The following CCHCR1 variants were observed in gnomAD, a reference collection of about 807,000 sequenced individuals.
CCHCR1 encodes the protein HCR (a-helix coiled-coil rod homologue).
CCHCR1 carries 91 observed loss-of-function variants against 114.6 expected under a neutral mutation model. The observed-to-expected ratio is 0.79, with a 90% confidence interval of 0.67 to 0.94. The LOEUF (loss-of-function observed/expected upper bound fraction) is 0.94. Among genes scored for constraint, CCHCR1 ranks in the 40% least tolerant of loss-of-function variants. The pLI, the probability that CCHCR1 is intolerant of heterozygous loss-of-function variation, is 0.00. For missense variants in CCHCR1, 899 were observed against 1,079.9 expected (o/e 0.83, Z 2.35); for synonymous variants, 379 against 428.5 (o/e 0.88, Z 1.43).
At chr6:31,145,575 G>A (rs777091480) in intron 11 of CCHCR1, 82 bp from the exon 12 acceptor site, 5 of 1,482,402 alleles carry the variant, frequency 3.4e-6, no homozygotes, top group African/African-American at 1.4e-5. Context: ...AAAAAGAGAT[G>A]CAAGGACTGG....
intron 1 of CCHCR1, 79 bp from the exon 2 acceptor site, chr6:31,157,168 A>G: frequency 8.0e-7 from 1 of 1,252,324 alleles, no homozygotes; most frequent in South Asian, 1.2e-5. Flanking sequence ...ACAATAACAA[A>G]GTCATAATCC....
At chr6:31,155,858 T>C (rs1365803028) in intron 3 of CCHCR1, among the ~76,000 whole-genome samples, 3 of 152,210 alleles carry the variant, frequency 2.0e-5, no homozygotes, top group Admixed American at 2.0e-4. Context: ...CATAGGTCAC[T>C]GCAGTCTTCA....
At position 31,142,628 on chromosome 6, in the gene CCHCR1, G is replaced by C; in HGVS notation, c.2580C>G (p.Asp860Glu). The C allele has an allele frequency of 6.2e-7, 1 of 1,613,512 alleles. No homozygotes were observed. Among genetic ancestry groups the C allele is most frequent in the Non-Finnish European group, 8.5e-7 (1 of 1,179,936 alleles). ...EEAVCQGDNL[D>E]RCSSSNPQMS... ...TCTGGGGATTGGAGCTGGAGCATCTGTCAAGGTTGTCTCCTTGACAAACAG... is the reference window on the plus strand; with the variant it reads ...TCTGGGGATTGGAGCTGGAGCATCTCTCAAGGTTGTCTCCTTGACAAACAG... The change falls in exon 18 of 18, where the codon GAC (aspartate) becomes GAG (glutamate). Residue 860 changes from aspartate to glutamate, a missense_variant. Transcript: ENST00000396268.
Position 31,157,780 on chromosome 6 carries a change from T to C in CCHCR1, c.-180A>G, listed in dbSNP as rs904796105. The C allele has an allele frequency of 8.0e-5, 48 of 602,602 alleles. No individual in the cohort carries two copies. The highest frequency in any genetic ancestry group is 5.6e-4 in the African/African-American group (30 of 53,904). 37.3% of individuals were successfully genotyped at this position (602,602 alleles called of 1,614,324 possible). On this transcript the variant is annotated 5_prime_UTR_variant, in exon 1 of 18. It removes an upstream start codon present in the reference 5' UTR. Coordinates refer to ENST00000396268, the MANE Select transcript of CCHCR1 (RefSeq NM_001105564.2). ...CTCCTCTTTCTCGAGTCCTAACACA[T>C]AGTGGGCACTTTAAGATCTTCCTCC...
intron 10 of CCHCR1, among the ~76,000 whole-genome samples, chr6:31,147,256 C>T (rs1165242661): frequency 2.0e-5 from 3 of 152,034 alleles, no homozygotes; most frequent in South Asian, 4.2e-4. Context: ...AAAAAGTAGC[C>T]GGGTGTGGTG....
rs11967883 is a variant in CCHCR1 at position 31,144,577 on chromosome 6, C to T, written c.2167+110G>A. 33,556 of 713,482 alleles carry T rather than the reference C, an allele frequency of 0.047. 1,587 individuals are homozygous for T. Among genetic ancestry groups the T allele is most frequent in the East Asian group, 0.18 (7,375 of 40,180 alleles). 44.2% of individuals were successfully genotyped at this position (713,482 alleles called of 1,614,324 possible). ...CATCTGTGCTACTCCTGGATACCTT[C>T]ATTACTTCCTGTAATGAAGCTTTGA... On this transcript the variant is annotated intron_variant, in intron 15 of 17. Transcript: ENST00000396268. This position sits in a 1 kb window ranked among gnomAD's most constrained non-coding sequence, Gnocchi z 4.6.
At chr6:31,146,215 C>A (rs1774307519) in intron 10 of CCHCR1, among the ~76,000 whole-genome samples, 1 of 152,112 alleles carries the variant, frequency 6.6e-6, no homozygotes, top group Non-Finnish European at 1.5e-5. Context: ...CATGGTGGCT[C>A]ATGCCTGTAA....
upstream of CCHCR1, chr6:31,157,814 C>T (rs1776313354): frequency 1.7e-6 from 1 of 587,022 alleles, no homozygotes. Flanking sequence ...CCCACCCTCC[C>T]ACCCTCATTA....
In CCHCR1 at chr6:31,157,488, G is replaced by T. The variant is rs1229217659; in HGVS notation, c.113C>A (p.Pro38Gln). The T allele has an allele frequency of 6.2e-7, 1 of 1,613,018 alleles. No homozygotes were observed. Among genetic ancestry groups the T allele is most frequent in the Non-Finnish European group, 8.5e-7 (1 of 1,180,008 alleles). The stretch of plus-strand genomic sequence containing the variant: ...GCGCCATCTCCAGAGTTCTCTCCAT[G>T]GCTCAGCAAGGCCTGAGGGAAGCCC... ...LDGLPSGLAE[P>Q]WRELWRWRSR... Residue 38 changes from proline to glutamine, a missense_variant, in exon 1 of 18, where the codon CCA becomes CAA. Coordinates refer to ENST00000396268, the MANE Select transcript of CCHCR1 (RefSeq NM_001105564.2).
In CCHCR1 at chr6:31,145,250, G is replaced by A. The variant is rs776807780; in HGVS notation, c.1792C>T (p.Arg598Trp). 1.5e-5 allele frequency: 25 copies of A among 1,613,610 alleles called. No individual in the cohort carries two copies. Among genetic ancestry groups the A allele is most frequent in the African/African-American group, 1.1e-4 (8 of 74,906 alleles). The stretch of plus-strand genomic sequence containing the variant: ...GCATCCAGGCGGTTCCGTTCTTCCC[G>A]CAACTGCTGCAACTCAAGGCTCACG... Reference protein sequence around the residue: ...TDVSLELQQLREERNRLDAEL... With the variant: ...TDVSLELQQLWEERNRLDAEL... Residue 598 changes from arginine to tryptophan, a missense_variant, in exon 13 of 18, where the codon CGG (arginine) becomes TGG (tryptophan). By Grantham distance (101) the Arg-to-Trp change is moderately radical (BLOSUM62 -3). Transcript: ENST00000396268.
chr6:31,156,645 G>A, intron 3 of CCHCR1, 86 bp downstream of exon 3: 3 of 1,157,194 alleles, frequency 2.6e-6, no homozygotes, highest in Non-Finnish European at 3.8e-6. Context: ...CTGGAAACTA[G>A]GGCCGAAATA....
At chr6:31,152,722 C>G (rs1399484001) in intron 4 of CCHCR1, among the ~76,000 whole-genome samples, 1 of 152,084 alleles carries the variant, frequency 6.6e-6, no homozygotes, top group East Asian at 1.9e-4. Context: ...ATGATCCTTC[C>G]ACCTTGGCCT....
At position 31,154,552 on chromosome 6, in the gene CCHCR1, A is replaced by G. The variant is rs1291569452; in HGVS notation, c.745T>C (p.Leu249=). The change falls in exon 4 of 18, where the codon TTG becomes CTG. Residue 249 remains leucine, a synonymous_variant. Coordinates refer to ENST00000396268, the MANE Select transcript of CCHCR1 (RefSeq NM_001105564.2). The surrounding 1 kb of genome is among the most constrained non-coding windows in gnomAD (Gnocchi z 4.1). ...LAGAEVVRKN[L]EEGSQRELEE... ...AGCTCCCGCTGGCTCCCCTCTTCCA[A>G]GTTCTTCCGGACAACCTCAGCCCCA... The G allele has an allele frequency of 2.5e-6, 4 of 1,612,900 alleles. No individual in the cohort carries two copies. Among genetic ancestry groups the G allele is most frequent in the South Asian group, 1.1e-5 (1 of 91,078 alleles).
Position 31,144,476 on chromosome 6 carries a change from T to A in CCHCR1, c.2167+211A>T, listed in dbSNP as rs187050705. ...TCCCAAAGTGCTTGGATTACAGGCA[T>A]AAGCCACCGCGACCGGCCATATGCT... On this transcript the variant is annotated intron_variant, in intron 15 of 17. Coordinates refer to ENST00000396268, the MANE Select transcript of CCHCR1 (RefSeq NM_001105564.2). This position sits in a 1 kb window ranked among gnomAD's most constrained non-coding sequence, Gnocchi z 4.6. 915 of 514,700 alleles carry A rather than the reference T, an allele frequency of 1.8e-3. 11 individuals carry two copies. Among genetic ancestry groups the A allele is most frequent in the African/African-American group, 0.014 (700 of 51,416 alleles). 31.9% of individuals were successfully genotyped at this position (514,700 alleles called of 1,614,324 possible). A position where few individuals can be genotyped will look rare whatever the true frequency, so the allele number is the denominator to read the frequency against.
rs1433729094 is a variant in CCHCR1 at position 31,144,578 on chromosome 6, A to C, written c.2167+109T>G. The C allele has an allele frequency of 1.8e-5, 13 of 718,052 alleles. No homozygotes were observed. The highest frequency in any genetic ancestry group is 3.1e-5 in the Non-Finnish European group (13 of 416,046). 44.5% of individuals were successfully genotyped at this position (718,052 alleles called of 1,614,324 possible). On this transcript the variant is annotated intron_variant, in intron 15 of 17. Coordinates refer to ENST00000396268, the MANE Select transcript of CCHCR1 (RefSeq NM_001105564.2). This position sits in a 1 kb window ranked among gnomAD's most constrained non-coding sequence, Gnocchi z 4.6. ...ATCTGTGCTACTCCTGGATACCTTC[A>C]TTACTTCCTGTAATGAAGCTTTGAA...
rs144083236 is a variant in CCHCR1 at position 31,150,511 on chromosome 6, G to A, written c.1156C>T (p.Arg386Trp). ...LHATAELLQVRVQSLTHILAL... is the reference protein window; with the variant it reads ...LHATAELLQVWVQSLTHILAL... ...AGGATGTGTGTGAGGCTCTGCACCCGCACCTGCAGCAGCTCCGCGGTGGCA... is the reference window on the plus strand; with the variant it reads ...AGGATGTGTGTGAGGCTCTGCACCCACACCTGCAGCAGCTCCGCGGTGGCA... The change falls in exon 7 of 18, where the codon CGG becomes TGG. Residue 386 changes from arginine to tryptophan, a missense_variant. Arg to Trp is a moderately radical substitution (Grantham distance 101, BLOSUM62 -3). Transcript: ENST00000396268. This position sits in a 1 kb window ranked among gnomAD's most constrained non-coding sequence, Gnocchi z 5.3. 32 of 1,612,414 alleles carry A rather than the reference G, an allele frequency of 2.0e-5. No individual in the cohort carries two copies. The African/African-American group carries it at 2.5e-4, about 13-fold the overall frequency.
Position 31,151,181 on chromosome 6 carries a change from TC to T in CCHCR1, c.802-60del. 2 of 1,520,440 alleles carry T rather than the reference TC, an allele frequency of 1.3e-6. No individual in the cohort carries two copies. Among genetic ancestry groups the T allele is most frequent in the Non-Finnish European group, 1.8e-6 (2 of 1,126,024 alleles). 94.2% of individuals were successfully genotyped at this position (1,520,440 alleles called of 1,614,324 possible). A position where few individuals can be genotyped will look rare whatever the true frequency, so the allele number is the denominator to read the frequency against. On this transcript the variant is annotated intron_variant, in intron 4 of 17. Transcript: ENST00000396268. The surrounding 1 kb of genome is among the most constrained non-coding windows in gnomAD (Gnocchi z 4.1). ...GACCCCACATGGAGGCCTTCCTTGT[TC>T]CCTTCACTCCCACTTTCTGTGACCT...
intron 12 of CCHCR1, 44 bp downstream of exon 12, chr6:31,145,404 C>T: frequency 6.2e-7 from 1 of 1,613,358 alleles, no homozygotes; most frequent in East Asian, 2.2e-5. Context: ...TCCCAGCAGC[C>T]AATGCCCTAA....
rs1469833350 is a variant in CCHCR1 at position 31,156,925 on chromosome 6, G to C, written c.303C>G (p.Pro101=). 5.0e-6 allele frequency: 8 copies of C among 1,612,714 alleles called. No homozygotes were observed. In the African/African-American group the frequency reaches 1.1e-4, roughly 22 times the overall value. The part of the protein sequence containing the change: ...FPPSGSTGLI[P]PSHFQARPLS... ...GGGGCCGAGCTTGAAAGTGGGAGGG[G>C]GGAATCAGCCCAGTGGAACCTGAAG... is the stretch of plus-strand genomic sequence containing the variant. The change falls in exon 3 of 18, where the codon CCC becomes CCG. Residue 101 remains proline, a synonymous_variant. Coordinates refer to ENST00000396268, the MANE Select transcript of CCHCR1 (RefSeq NM_001105564.2).
Sources: gnomAD v4.1 joint callset for allele counts (sites outside exome capture counted in the v4.1 genomes callset) on GRCh38, gnomAD v4.1.1 for gene constraint, Gnocchi (gnomAD v3.1) non-coding constraint, MANE v1.5 for transcripts, NCBI Gene and HGNC (gene_info 2026-07-23, HGNC 2026-07-21) for gene names.